The following GFM1 variants were observed in gnomAD, a reference collection of about 807,000 sequenced individuals.
GFM1 encodes elongation factor G, mitochondrial.
Under a neutral mutation model 96.2 loss-of-function variants are expected in GFM1, and 62 were observed. That is an observed-to-expected ratio of 0.64 (90% confidence interval 0.53 to 0.80). The LOEUF (loss-of-function observed/expected upper bound fraction) is 0.80, where lower values mean the gene tolerates loss of function less well. GFM1 is among the 30% of genes least tolerant of loss of function. The pLI, the probability that GFM1 is intolerant of heterozygous loss-of-function variation, is 0.00. For missense variants in GFM1, 852 were observed against 916.6 expected (o/e 0.93, Z 0.91); for synonymous variants, 282 against 312.9 (o/e 0.90, Z 1.04).
chr3:158,688,023 GT>G (rs1468932066), intron 15 of GFM1, among the ~76,000 whole-genome samples: 1 of 151,840 alleles, frequency 6.6e-6, no homozygotes, highest in Admixed American at 6.6e-5. Flanking sequence ...GCTTATAACT[GT>G]AAGATATTAT....
At chr3:158,664,515 G>T (rs1228589792) in intron 11 of GFM1, among the ~76,000 whole-genome samples, 1 of 152,054 alleles carries the variant, frequency 6.6e-6, no homozygotes, top group African/African-American at 2.4e-5. Flanking sequence ...TTGGCTTGTG[G>T]CCCCCTGCCT....
At chr3:158,668,568 G>A (rs1723946394) in intron 13 of GFM1, among the ~76,000 whole-genome samples, 1 of 152,268 alleles carries the variant, frequency 6.6e-6, no homozygotes, top group Admixed American at 6.5e-5. Flanking sequence ...TGACTAACCC[G>A]AAAGATTAAG....
At chr3:158,678,095 T>A (rs1198589796) in intron 13 of GFM1, among the ~76,000 whole-genome samples, 1 of 152,216 alleles carries the variant, frequency 6.6e-6, no homozygotes, top group Non-Finnish European at 1.5e-5. Flanking sequence ...CATGGCTTAC[T>A]GAATGTTTAA....
At chr3:158,667,353 G>T (rs1723810655) in intron 13 of GFM1, among the ~76,000 whole-genome samples, 1 of 152,196 alleles carries the variant, frequency 6.6e-6, no homozygotes, top group South Asian at 2.1e-4. Flanking sequence ...CTACTTAAGA[G>T]AATTAGCAAG....
At chr3:158,677,844 G>A (rs1051347057) in intron 13 of GFM1, among the ~76,000 whole-genome samples, 8 of 152,076 alleles carry the variant, frequency 5.3e-5, no homozygotes, top group African/African-American at 1.9e-4. Context: ...TCCTTCTTTT[G>A]GAAGAAGATG....
At chr3:158,666,425 T>G in intron 13 of GFM1, 39 bp downstream of exon 13, 1 of 1,524,646 alleles carries the variant, frequency 6.6e-7, no homozygotes, top group Non-Finnish European at 9.1e-7. Context: ...GAGGCTGAAA[T>G]TGAAGCTTTT....
At chr3:158,669,432 C>T (rs1688441859) in intron 13 of GFM1, 8 of 1,607,202 alleles carry the variant, frequency 5.0e-6, no homozygotes, top group Non-Finnish European at 6.8e-6. Context: ...TATTTATATA[C>T]CTGGAATATT....
intron 15 of GFM1, among the ~76,000 whole-genome samples, chr3:158,687,500 C>T (rs566897722): frequency 6.6e-6 from 1 of 152,236 alleles, no homozygotes; most frequent in Non-Finnish European, 1.5e-5. Flanking sequence ...TGGAGTCTCA[C>T]TCTGTTGCCC....
At chr3:158,683,777 C>G (rs1725605979) in intron 14 of GFM1, among the ~76,000 whole-genome samples, 1 of 152,068 alleles carries the variant, frequency 6.6e-6, no homozygotes, top group African/African-American at 2.4e-5. Context: ...TTGAGTAATT[C>G]CTGAAGATGA....
At chr3:158,686,472 G>A (rs944433766) in intron 15 of GFM1, among the ~76,000 whole-genome samples, 2 of 149,460 alleles carry the variant, frequency 1.3e-5, no homozygotes, top group Non-Finnish European at 3.0e-5. Context: ...AAATGGCAGG[G>A]TGAGTCAGGT....
At chr3:158,662,900 C>T (rs931616291) in intron 11 of GFM1, among the ~76,000 whole-genome samples, 2 of 152,114 alleles carry the variant, frequency 1.3e-5, no homozygotes, top group Non-Finnish European at 2.9e-5. Flanking sequence ...AAATATTCAC[C>T]TGACTGTACT....
At chr3:158,681,005 A>G (rs927647026) in intron 13 of GFM1, among the ~76,000 whole-genome samples, 1 of 152,172 alleles carries the variant, frequency 6.6e-6, no homozygotes, top group Non-Finnish European at 1.5e-5. Context: ...CAAATGGAAA[A>G]CATGATTTAA....
intron 13 of GFM1, among the ~76,000 whole-genome samples, chr3:158,674,305 C>T (rs1458215587): frequency 6.6e-6 from 1 of 151,840 alleles, no homozygotes; most frequent in Non-Finnish European, 1.5e-5. Context: ...GCAATCCTCC[C>T]TCCTCTGCCT....
chr3:158,656,301 G>GTC, intron 8 of GFM1: 2 of 171,700 alleles, frequency 1.2e-5, no homozygotes, highest in Non-Finnish European at 2.5e-5. Flanking sequence ...TTACAGGCAT[G>GTC]CGCCACCACG....
At chr3:158,689,896 C>A (rs1200851362) in intron 15 of GFM1, among the ~76,000 whole-genome samples, 1 of 152,034 alleles carries the variant, frequency 6.6e-6, no homozygotes, top group Non-Finnish European at 1.5e-5. Flanking sequence ...TTTTAAGACC[C>A]TTTTGTATTA....
intron 1 of GFM1, among the ~76,000 whole-genome samples, chr3:158,645,055 G>A (rs551513184): frequency 1.2e-4 from 18 of 150,266 alleles, no homozygotes; most frequent in Non-Finnish European, 2.1e-4. Flanking sequence ...TATAGGGAAA[G>A]GTTTATATTG....
intron 9 of GFM1, chr3:158,660,197 C>G (rs1441547140): frequency 6.6e-6 from 1 of 151,128 alleles, no homozygotes; most frequent in Non-Finnish European, 1.5e-5. Flanking sequence ...GAGTAGATCT[C>G]TGTCATACAC....
Position 158,654,726 on chromosome 3 carries a change from A to T in GFM1, c.1083+95A>T, listed in dbSNP as rs1454104519. 6 of 852,782 alleles carry T rather than the reference A, an allele frequency of 7.0e-6. No homozygotes were observed. The East Asian group carries it at 9.8e-5, about 14-fold the overall frequency. 52.8% of individuals were successfully genotyped at this position (852,782 alleles called of 1,614,324 possible). A position where few individuals can be genotyped will look rare whatever the true frequency, so the allele number is the denominator to read the frequency against. On this transcript the variant is annotated intron_variant, in intron 8 of 17. Transcript: ENST00000486715. ...ACAGAATGACTCTGACTTTTATGAA[A>T]GATTTGGAAAATAGGAAAGTAGAAA...
chr3:158,662,583 G>T (rs772292738), intron 10 of GFM1, 45 bp from the exon 11 acceptor site: 3 of 1,128,782 alleles, frequency 2.7e-6, no homozygotes, highest in East Asian at 4.7e-5. Flanking sequence ...GACCCATATG[G>T]GTCTGTTTTT....
Sources: allele counts gnomAD v4.1 joint callset (sites outside exome capture counted in the v4.1 genomes callset), GRCh38; gene constraint gnomAD v4.1.1; transcripts MANE v1.5; gene names NCBI Gene and HGNC (gene_info 2026-07-23, HGNC 2026-07-21).